DAW1: variants seen among roughly 807,000 people sequenced by gnomAD.
DAW1 encodes dynein assembly factor with WD repeats 1, also known as dynein assembly factor with WD repeat domains 1.
DAW1 carries 47 observed loss-of-function variants against 56.5 expected under a neutral mutation model. The ratio of observed to expected loss-of-function variants is 0.83; its 90% CI spans 0.66 to 1.06. The LOEUF is 1.06. DAW1 is among the 50% of genes least tolerant of loss of function. DAW1 has a pLI of 0.00. For synonymous variants in DAW1, 190 were observed against 179.0 expected (o/e 1.06, Z -0.49); for missense variants, 505 against 499.3 (o/e 1.01, Z -0.11).
At chr2:227,923,443 T>G (rs1261080133) in intron 12 of DAW1, among the ~76,000 whole-genome samples, 1 of 152,210 alleles carries the variant, frequency 6.6e-6, no homozygotes, top group East Asian at 1.9e-4. Flanking sequence ...TATATTGATG[T>G]TATGTGCCTG....
chr2:227,904,239 A>G (rs964325857), intron 7 of DAW1, among the ~76,000 whole-genome samples: 2 of 152,204 alleles, frequency 1.3e-5, no homozygotes, highest in African/African-American at 4.8e-5. Context: ...TTATAATTCA[A>G]CTTTTCTAAT....
intron 6 of DAW1, among the ~76,000 whole-genome samples, chr2:227,900,135 A>G (rs1188207219): frequency 6.6e-6 from 1 of 152,208 alleles, no homozygotes; most frequent in African/African-American, 2.4e-5. Context: ...GACAGGTATT[A>G]GCTTAGTTGT....
At chr2:227,913,472 A>G (rs1691877338) in intron 10 of DAW1, among the ~76,000 whole-genome samples, 1 of 152,168 alleles carries the variant, frequency 6.6e-6, no homozygotes, top group Non-Finnish European at 1.5e-5. Context: ...GATGCCTGAT[A>G]TTTATATGGA....
intron 1 of DAW1, among the ~76,000 whole-genome samples, chr2:227,878,323 G>A (rs1262213612): frequency 1.3e-5 from 2 of 152,150 alleles, no homozygotes; most frequent in African/African-American, 4.8e-5. Context: ...CTTGATGATA[G>A]TGACACCTTG....
At chr2:227,875,774 T>G (rs1463428247) in intron 1 of DAW1, among the ~76,000 whole-genome samples, 1 of 152,220 alleles carries the variant, frequency 6.6e-6, no homozygotes, top group Non-Finnish European at 1.5e-5. Context: ...TCATTTATTT[T>G]GCTTATTCTT....
intron 1 of DAW1, among the ~76,000 whole-genome samples, chr2:227,884,493 C>T (rs1030247228): frequency 2.0e-5 from 3 of 152,162 alleles, no homozygotes; most frequent in South Asian, 2.1e-4. Flanking sequence ...GCTACTTTTG[C>T]GGGCGTTGGT....
intron 1 of DAW1, among the ~76,000 whole-genome samples, chr2:227,874,658 G>T (rs1408679107): frequency 1.3e-5 from 2 of 151,638 alleles, no homozygotes; most frequent in East Asian, 3.9e-4. Flanking sequence ...GTGCCCCAGA[G>T]CCCCAACCTT....
chr2:227,892,157 A>C (rs1296361937), intron 4 of DAW1, among the ~76,000 whole-genome samples: 1 of 150,332 alleles, frequency 6.7e-6, no homozygotes, highest in Admixed American at 6.6e-5. Flanking sequence ...TTTGAGATGG[A>C]GTTTCACTCT....
rs542560892 is a variant in DAW1 at position 227,894,469 on chromosome 2, A to C, written c.440+552A>C. On this transcript the variant is annotated intron_variant, in intron 5 of 12. Coordinates refer to ENST00000309931, the MANE Select transcript of DAW1 (RefSeq NM_178821.3). Reference sequence around the variant, plus strand: ...TGCTTCCAAGGATCGCACGGTAGTAAAGAGGAGAGCTGGAGTTCGTGCTCA... The same window carrying C: ...TGCTTCCAAGGATCGCACGGTAGTACAGAGGAGAGCTGGAGTTCGTGCTCA... 2.6e-5 allele frequency among the ~76,000 whole-genome samples: 4 copies of C among 152,244 alleles called. No homozygotes were observed. The South Asian group carries it at 8.3e-4, about 32-fold the overall frequency.
Position 227,924,059 on chromosome 2 carries a change from A to G in DAW1, c.*91A>G, listed in dbSNP as rs1481030799. 5 of 1,466,870 alleles carry G rather than the reference A, an allele frequency of 3.4e-6. No individual in the cohort carries two copies. The Admixed American group carries it at 9.3e-5, about 27-fold the overall frequency. The allele number at this position is 1,466,870 out of a possible 1,614,324, so 90.9% of individuals were successfully genotyped here. The stretch of plus-strand genomic sequence containing the variant: ...CAGCAGCTCTCTTAATATTTCTTAT[A>G]CTTTCTCTTTTTCTGCAAGTCAACT... On this transcript the variant is annotated 3_prime_UTR_variant, in exon 13 of 13. Transcript: ENST00000309931.
chr2:227,915,730 A>G (rs1387998047), intron 10 of DAW1, among the ~76,000 whole-genome samples: 3 of 152,062 alleles, frequency 2.0e-5, no homozygotes, highest in Non-Finnish European at 4.4e-5. Context: ...ACTCCCATTT[A>G]TTGTGCTAAA....
chr2:227,882,135 T>G (rs1156834279), intron 1 of DAW1, among the ~76,000 whole-genome samples: 1 of 152,240 alleles, frequency 6.6e-6, no homozygotes, highest in East Asian at 1.9e-4. Context: ...TCCCTTGATC[T>G]GAAATACTGC....
intron 2 of DAW1, chr2:227,887,712 A>C (rs1691163975): frequency 6.6e-6 from 1 of 152,250 alleles, no homozygotes; most frequent in Admixed American, 6.5e-5. Flanking sequence ...ATAGTCACTC[A>C]ATCGTGCTGT....
intron 1 of DAW1, among the ~76,000 whole-genome samples, chr2:227,884,230 A>G (rs1435266277): frequency 6.6e-6 from 1 of 152,028 alleles, no homozygotes; most frequent in Non-Finnish European, 1.5e-5. Flanking sequence ...GGGATTTTCC[A>G]TTTTTTCATT....
At chr2:227,883,759 A>G (rs1331184558) in intron 1 of DAW1, among the ~76,000 whole-genome samples, 1 of 152,220 alleles carries the variant, frequency 6.6e-6, no homozygotes, top group Non-Finnish European at 1.5e-5. Flanking sequence ...TTAAAGTATA[A>G]AACAGTGCTA....
chr2:227,906,109 T>C (rs112261762), intron 8 of DAW1, 127 bp from the exon 9 acceptor site: 4 of 594,608 alleles, frequency 6.7e-6, no homozygotes, highest in African/African-American at 1.9e-5. Context: ...ATATTTGTCA[T>C]CAAATATATT....
intron 11 of DAW1, 143 bp downstream of exon 11, chr2:227,918,999 A>G: frequency 1.2e-6 from 1 of 831,116 alleles, no homozygotes; most frequent in East Asian, 2.7e-5. Context: ...GTTCAAGACC[A>G]GCCTGGGCAA....
At chr2:227,874,461 C>T (rs548726664) in intron 1 of DAW1, among the ~76,000 whole-genome samples, 1 of 152,300 alleles carries the variant, frequency 6.6e-6, no homozygotes, top group Admixed American at 6.5e-5. Context: ...TCTCCAATGA[C>T]ATTCACATTG....
chr2:227,919,108 ATTGC>A (rs138839521), intron 11 of DAW1, among the ~76,000 whole-genome samples: 1,796 of 149,898 alleles, frequency 0.012, 15 homozygotes, highest in Middle Eastern at 0.031. Context: ...AGGAAGGAGG[ATTGC>A]TTGAGCCCAG....
Sources: gnomAD v4.1 joint callset for allele counts (sites outside exome capture counted in the v4.1 genomes callset) on GRCh38, gnomAD v4.1.1 for gene constraint, MANE v1.5 for transcripts, NCBI Gene and HGNC (gene_info 2026-07-23, HGNC 2026-07-21) for gene names.